The following GRM8 variants were observed in gnomAD, a reference collection of about 807,000 sequenced individuals.
The protein encoded by GRM8 is metabotropic glutamate receptor 8.
GRM8 carries 47 observed loss-of-function variants against 87.2 expected under a neutral mutation model. The ratio of observed to expected loss-of-function variants is 0.54; its 90% CI spans 0.43 to 0.69. The LOEUF is 0.69. GRM8 is among the 30% of genes least tolerant of loss of function. GRM8 has a pLI of 0.00. For synonymous variants in GRM8, 396 were observed against 404.5 expected, an observed-to-expected ratio of 0.98 and a Z score of 0.25; for missense variants, 1,019 against 1,139.2, an observed-to-expected ratio of 0.89 and a Z score of 1.52.
intron 3 of GRM8, among the ~76,000 whole-genome samples, chr7:126,910,160 T>C (rs1803142473): frequency 6.6e-6 from 1 of 152,192 alleles, no homozygotes; most frequent in African/African-American, 2.4e-5. Context: ...ATATAGCCAG[T>C]CTACCCTCCA....
intron 2 of GRM8, among the ~76,000 whole-genome samples, chr7:127,119,926 C>A (rs1275350163): frequency 6.6e-6 from 1 of 152,204 alleles, no homozygotes; most frequent in Non-Finnish European, 1.5e-5. Flanking sequence ...TTCATACCCA[C>A]TCCAAACCTA....
At position 126,685,776 on chromosome 7, in the gene GRM8, C is replaced by T. The variant is rs537015931; in HGVS notation, c.1358-76278G>A. Among the ~76,000 whole-genome samples, 47 of 151,924 alleles carry T rather than the reference C, an allele frequency of 3.1e-4. No individual in the cohort carries two copies. The highest frequency in any genetic ancestry group is 2.5e-3 in the Admixed American group (38 of 15,266). On this transcript the variant is annotated intron_variant, in intron 7 of 10. Transcript: ENST00000339582. The surrounding 1 kb of genome is among the most constrained non-coding windows in gnomAD (Gnocchi z 4.2). The stretch of plus-strand genomic sequence containing the variant: ...CCCCTTGGCATGAACGGTCTGGGTG[C>T]GATGAATGGTGACAGGCGGCAGACA...
At chr7:127,003,247 C>T (rs909184177) in intron 3 of GRM8, among the ~76,000 whole-genome samples, 5 of 151,680 alleles carry the variant, frequency 3.3e-5, no homozygotes, top group African/African-American at 1.2e-4. Flanking sequence ...ATGTTTACTT[C>T]GTTAAATGAA....
chr7:127,232,977 A>G (rs1209644770), intron 2 of GRM8, among the ~76,000 whole-genome samples: 3 of 152,018 alleles, frequency 2.0e-5, no homozygotes, highest in African/African-American at 7.3e-5. Flanking sequence ...AGCTGGGATT[A>G]CAAGCACATG....
At chr7:126,827,190 G>A (rs1356498949) in intron 6 of GRM8, among the ~76,000 whole-genome samples, 1 of 152,196 alleles carries the variant, frequency 6.6e-6, no homozygotes, top group East Asian at 1.9e-4. Context: ...GATTGACTTG[G>A]TGATGTGGGC....
intron 2 of GRM8, among the ~76,000 whole-genome samples, chr7:127,164,474 T>C (rs745945377): frequency 1.3e-5 from 2 of 152,174 alleles, no homozygotes; most frequent in Non-Finnish European, 2.9e-5. Context: ...AAAATCTCAA[T>C]AATTCACTGT....
intron 3 of GRM8, among the ~76,000 whole-genome samples, chr7:127,106,180 ATAG>A (rs1194494300): frequency 1.3e-5 from 2 of 152,222 alleles, no homozygotes; most frequent in Non-Finnish European, 2.9e-5. Context: ...GAACAATCAA[ATAG>A]TATGTCATTT....
intron 7 of GRM8, among the ~76,000 whole-genome samples, chr7:126,619,955 T>C (rs4728046): frequency 0.062 from 9,435 of 151,116 alleles, 568 homozygotes; most frequent in East Asian, 0.32. Flanking sequence ...CCTCCCAAAA[T>C]GCCAGAATTA....
chr7:127,127,248 C>T (rs952069321), intron 2 of GRM8, among the ~76,000 whole-genome samples: 3 of 152,022 alleles, frequency 2.0e-5, no homozygotes, highest in East Asian at 3.9e-4. Flanking sequence ...TAAATATATG[C>T]ATCTACCACA....
intron 10 of GRM8, among the ~76,000 whole-genome samples, chr7:126,439,628 C>T (rs989748806): frequency 6.6e-5 from 10 of 151,986 alleles, no homozygotes; most frequent in African/African-American, 2.2e-4. Context: ...TTAAAGTAGA[C>T]TTCTTCTACT....
chr7:126,727,629 A>G (rs1813142613), intron 7 of GRM8, among the ~76,000 whole-genome samples: 1 of 152,040 alleles, frequency 6.6e-6, no homozygotes, highest in South Asian at 2.1e-4. Flanking sequence ...AAGAATTTCA[A>G]AATGGCTTAA....
chr7:126,996,289 C>T (rs938642995), intron 3 of GRM8, among the ~76,000 whole-genome samples: 7 of 151,670 alleles, frequency 4.6e-5, no homozygotes, highest in Non-Finnish European at 8.8e-5. Flanking sequence ...GAAAGCAGAC[C>T]GAAAAACACA....
At chr7:126,794,991 G>A (rs1309119284) in intron 6 of GRM8, among the ~76,000 whole-genome samples, 2 of 152,148 alleles carry the variant, frequency 1.3e-5, no homozygotes, top group Non-Finnish European at 2.9e-5. Flanking sequence ...TCGGCCATGG[G>A]CAGTGTTGCC....
intron 6 of GRM8, among the ~76,000 whole-genome samples, chr7:126,878,265 CAT>C (rs1799704170): frequency 6.6e-6 from 1 of 152,166 alleles, no homozygotes; most frequent in Non-Finnish European, 1.5e-5. Flanking sequence ...ACTTGATTTC[CAT>C]ATGATTTCCC....
intron 3 of GRM8, among the ~76,000 whole-genome samples, chr7:126,924,986 C>T (rs764598175): frequency 6.6e-6 from 1 of 152,002 alleles, no homozygotes; most frequent in Admixed American, 6.6e-5. Context: ...GACACACACA[C>T]AGAGAAAGAA....
intron 3 of GRM8, among the ~76,000 whole-genome samples, chr7:126,947,035 G>A (rs965468673): frequency 9.9e-5 from 15 of 152,152 alleles, no homozygotes; most frequent in African/African-American, 1.7e-4. Flanking sequence ...CCATGAAGCT[G>A]GAGCCCCACT....
intron 6 of GRM8, among the ~76,000 whole-genome samples, chr7:126,866,879 C>T (rs144585243): frequency 8.3e-4 from 126 of 151,996 alleles, no homozygotes; most frequent in African/African-American, 2.9e-3. Flanking sequence ...TGTGAGCTAC[C>T]GCGCCCTGCC....
intron 9 of GRM8, among the ~76,000 whole-genome samples, chr7:126,461,149 A>T (rs2150519970): frequency 6.6e-6 from 1 of 151,558 alleles, no homozygotes; most frequent in South Asian, 2.1e-4. Flanking sequence ...TAGCAGTCTG[A>T]CTGAGTCTTC....
intron 7 of GRM8, among the ~76,000 whole-genome samples, 189 bp from the exon 8 acceptor site, chr7:126,609,687 C>G (rs1017203914): frequency 6.6e-6 from 1 of 152,168 alleles, no homozygotes; most frequent in Non-Finnish European, 1.5e-5. Flanking sequence ...CAGACATACA[C>G]ACACGAGTAA....
Sources: gnomAD v4.1 joint callset for allele counts (sites outside exome capture counted in the v4.1 genomes callset) on GRCh38, gnomAD v4.1.1 for gene constraint, Gnocchi (gnomAD v3.1) non-coding constraint, MANE v1.5 for transcripts, NCBI Gene and HGNC (gene_info 2026-07-23, HGNC 2026-07-21) for gene names.